SGIP1: variants seen among roughly 807,000 people sequenced by gnomAD.
The protein encoded by SGIP1 is SH3GL interacting endocytic adaptor 1.
A neutral mutation model predicts 107.5 loss-of-function variants in SGIP1; 38 were observed. The ratio of observed to expected loss-of-function variants is 0.35; its 90% CI spans 0.27 to 0.46. The LOEUF (loss-of-function observed/expected upper bound fraction) is 0.46, where lower values mean the gene tolerates loss of function less well. Among genes scored for constraint, SGIP1 ranks in the 20% least tolerant of loss-of-function variants. The probability of loss-of-function intolerance (pLI) is 1.00; values close to 1 mark genes in which losing one functional copy is unlikely to be tolerated. For synonymous variants in SGIP1, 365 were observed against 366.1 expected (o/e 1.00, Z 0.03); for missense variants, 929 against 1,019.5 (o/e 0.91, Z 1.21).
intron 19 of SGIP1, among the ~76,000 whole-genome samples, chr1:66,721,431 T>TG (rs1451698733): frequency 2.0e-5 from 3 of 152,114 alleles, no homozygotes; most frequent in Non-Finnish European, 4.4e-5. Context: ...TTTTTTGAGA[T>TG]GGGGTCTCAC....
At chr1:66,719,694 A>T (rs1327421313) in intron 19 of SGIP1, among the ~76,000 whole-genome samples, 1 of 152,210 alleles carries the variant, frequency 6.6e-6, no homozygotes, top group African/African-American at 2.4e-5. Flanking sequence ...GGTTGCAAGT[A>T]ACAGAAAACT....
At chr1:66,660,005 A>G (rs1255779848) in intron 7 of SGIP1, 18 of 77,102 alleles carry the variant, frequency 2.3e-4, no homozygotes, top group East Asian at 1.7e-3. Context: ...AAAGACAGAC[A>G]GACAGACAGA....
intron 1 of SGIP1, among the ~76,000 whole-genome samples, chr1:66,570,517 C>T (rs2060239383): frequency 6.6e-6 from 1 of 151,806 alleles, no homozygotes; most frequent in African/African-American, 2.4e-5. Context: ...ATTTTCATAT[C>T]CTCTTCCCAA....
At chr1:66,741,002 T>G (rs867441021) in intron 23 of SGIP1, among the ~76,000 whole-genome samples, 1 of 152,216 alleles carries the variant, frequency 6.6e-6, no homozygotes, top group Non-Finnish European at 1.5e-5. Context: ...TTAGATATTT[T>G]TCACTCTCCT....
chr1:66,659,483 G>A (rs988417716), intron 7 of SGIP1, among the ~76,000 whole-genome samples: 1 of 152,200 alleles, frequency 6.6e-6, no homozygotes, highest in Admixed American at 6.5e-5. Context: ...CTTCTGGAAA[G>A]TCTCATGCTT....
chr1:66,673,158 T>C lies in SGIP1; in HGVS notation c.561-123T>C, dbSNP rs977126287. 2.0e-5 allele frequency: 18 copies of C among 918,516 alleles called. No homozygotes were observed. The Admixed American group carries it at 2.2e-4, about 11-fold the overall frequency. The allele number at this position is 918,516 out of a possible 1,614,324, so 56.9% of individuals were successfully genotyped here. The stretch of plus-strand genomic sequence containing the variant: ...CTAACGGGGCTTGTATACACATGCA[T>C]GCATGCACTGGTGCACACACACACT... On this transcript the variant is annotated intron_variant, in intron 11 of 24. Transcript: ENST00000371037.
intron 8 of SGIP1, chr1:66,667,108 A>C: frequency 6.4e-6 from 1 of 155,634 alleles, no homozygotes; most frequent in Non-Finnish European, 1.4e-5. Flanking sequence ...CTATGTGGGA[A>C]ATGCATTATT....
intron 4 of SGIP1, among the ~76,000 whole-genome samples, chr1:66,636,354 G>A (rs1335488195): frequency 1.3e-5 from 2 of 152,166 alleles, no homozygotes; most frequent in Non-Finnish European, 2.9e-5. Flanking sequence ...CACATAAATT[G>A]AGTAGTCATT....
intron 21 of SGIP1, 35 bp downstream of exon 21, chr1:66,733,915 A>C (rs771209110): frequency 6.3e-7 from 1 of 1,588,066 alleles, no homozygotes; most frequent in Admixed American, 1.7e-5. Flanking sequence ...TCTCTTCCAC[A>C]TGACATATTT....
At chr1:66,674,863 A>G (rs1440333750) in intron 12 of SGIP1, among the ~76,000 whole-genome samples, 3 of 152,206 alleles carry the variant, frequency 2.0e-5, no homozygotes, top group Admixed American at 1.3e-4. Flanking sequence ...GTAGCCAGCT[A>G]AAATTCTGTT....
intron 1 of SGIP1, among the ~76,000 whole-genome samples, chr1:66,602,905 G>A (rs1570436993): frequency 6.6e-6 from 1 of 152,096 alleles, no homozygotes; most frequent in Non-Finnish European, 1.5e-5. Flanking sequence ...GAAATGTTAG[G>A]AAATTAAGCC....
chr1:66,607,864 A>G (rs1462431358), intron 1 of SGIP1, among the ~76,000 whole-genome samples: 1 of 152,224 alleles, frequency 6.6e-6, no homozygotes, highest in African/African-American at 2.4e-5. Flanking sequence ...TAACAACACT[A>G]GCAAGAAAAC....
At chr1:66,731,843 T>C (rs1329604452) in intron 20 of SGIP1, among the ~76,000 whole-genome samples, 1 of 152,224 alleles carries the variant, frequency 6.6e-6, no homozygotes, top group East Asian at 1.9e-4. Flanking sequence ...CAGTTTGCAA[T>C]CCCTATGACA....
chr1:66,611,509 GGT>G (rs1219714455), intron 1 of SGIP1, among the ~76,000 whole-genome samples: 2 of 152,218 alleles, frequency 1.3e-5, no homozygotes, highest in Non-Finnish European at 2.9e-5. Context: ...GAGGCCACAT[GGT>G]CCATAAGCCA....
chr1:66,537,774 G>A (rs2053972586), intron 1 of SGIP1, among the ~76,000 whole-genome samples: 1 of 151,870 alleles, frequency 6.6e-6, no homozygotes, highest in African/African-American at 2.4e-5. Flanking sequence ...TAAGTATATT[G>A]TATATACGGT....
intron 18 of SGIP1, among the ~76,000 whole-genome samples, chr1:66,696,831 T>A (rs1487477557): frequency 6.6e-6 from 1 of 152,216 alleles, no homozygotes; most frequent in Non-Finnish European, 1.5e-5. Context: ...TGTGACCTCC[T>A]AAACTTTCTC....
At chr1:66,543,954 G>A (rs2148109114) in intron 1 of SGIP1, among the ~76,000 whole-genome samples, 1 of 152,146 alleles carries the variant, frequency 6.6e-6, no homozygotes, top group East Asian at 1.9e-4. Context: ...TTATAAATTA[G>A]GCACAGTAAG....
intron 18 of SGIP1, among the ~76,000 whole-genome samples, chr1:66,717,857 T>C (rs1248078182): frequency 6.6e-6 from 1 of 152,190 alleles, no homozygotes; most frequent in Non-Finnish European, 1.5e-5. Context: ...ATAATGTTAA[T>C]GGAGGTCATT....
In SGIP1 at chr1:66,681,869, G is replaced by A. The variant is rs1381889159; in HGVS notation, c.815G>A (p.Gly272Glu). 5 of 1,609,536 alleles carry A rather than the reference G, an allele frequency of 3.1e-6. No individual in the cohort carries two copies. The highest frequency in any genetic ancestry group is 2.2e-5 in the South Asian group (2 of 90,476). Residue 272 changes from glycine to glutamate, a missense_variant and splice_region_variant, in exon 15 of 25, where the codon GGA (glycine) becomes GAA (glutamate). By Grantham distance (98) the Gly-to-Glu change is moderately conservative. Transcript: ENST00000371037. ...RTGSPLTIGP[G>E]NDQSATEVKI... ...TTAAAATCAACTACTTTAACCACAG[G>A]AAATGACCAGTCAGCCACAGAGGTC...
Sources: allele counts gnomAD v4.1 joint callset (sites outside exome capture counted in the v4.1 genomes callset), GRCh38; gene constraint gnomAD v4.1.1; transcripts MANE v1.5; gene names NCBI Gene and HGNC (gene_info 2026-07-23, HGNC 2026-07-21).